DGKH: variants seen among roughly 807,000 people sequenced by gnomAD.
The protein encoded by DGKH is diacylglycerol kinase eta.
In DGKH, 90 loss-of-function variants were observed where a neutral mutation model predicts 159.3. That is an observed-to-expected ratio of 0.57 (90% CI 0.48 to 0.67). The LOEUF (loss-of-function observed/expected upper bound fraction) is 0.67. Among genes scored for constraint, DGKH ranks in the 30% least tolerant of loss-of-function variants. The pLI is 0.00. For synonymous variants in DGKH, 536 were observed against 553.8 expected, an observed-to-expected ratio of 0.97 and a Z score of 0.45; for missense variants, 1,181 against 1,506.1, an observed-to-expected ratio of 0.78 and a Z score of 3.57.
chr13:42,163,354 T>TTA (rs907690745), intron 7 of DGKH, among the ~76,000 whole-genome samples: 10 of 152,126 alleles, frequency 6.6e-5, no homozygotes, highest in African/African-American at 2.4e-4. Flanking sequence ...GCAGCATGAT[T>TTA]TATAGTCTTT....
chr13:42,189,692 G>T (rs1594174976), intron 15 of DGKH, among the ~76,000 whole-genome samples: 1 of 152,036 alleles, frequency 6.6e-6, no homozygotes, highest in East Asian at 1.9e-4. Context: ...TTTGAGAAAG[G>T]GTCTCACTCT....
chr13:42,152,636 G>A (rs867200912), intron 3 of DGKH, among the ~76,000 whole-genome samples: 4 of 123,568 alleles, frequency 3.2e-5, no homozygotes, highest in Middle Eastern at 3.8e-3. Context: ...GGGCAGAAGG[G>A]CACAGCTGCA....
In DGKH at chr13:42,190,651, G is replaced by A. The variant is rs892046381; in HGVS notation, c.2035+126G>A. 4 of 903,872 alleles carry A rather than the reference G, an allele frequency of 4.4e-6. No homozygotes were observed. In the Admixed American group the frequency reaches 9.8e-5, roughly 22 times the overall value. The allele number at this position is 903,872 out of a possible 1,614,324, so 56.0% of individuals were successfully genotyped here. On this transcript the variant is annotated intron_variant, in intron 16 of 29. Coordinates refer to ENST00000337343, the MANE Select transcript of DGKH (RefSeq NM_178009.5). ...TTATTTTTGAAAAGGCTTTTTGGAA[G>A]TTAAAGCTTAGATAAATATTCATGA...
rs1880990317 is a variant in DGKH, at chr13:42,048,826, C to T, written c.53C>T (p.Ala18Val). The T allele has an allele frequency of 1.5e-6, 2 of 1,336,734 alleles. No individual in the cohort carries two copies. The highest frequency in any genetic ancestry group is 9.6e-7 in the Non-Finnish European group (1 of 1,041,510). The allele number at this position is 1,336,734 out of a possible 1,614,324, so 82.8% of individuals were successfully genotyped here. Residue 18 changes from alanine (A) to valine (V), a missense_variant, in exon 1 of 30, where the codon GCC (alanine) becomes GTC (valine). Around this residue, in one of 5 missense-constraint regions of DGKH, gnomAD observed 136 missense variants for 132.2 expected, o/e 1.03. Coordinates refer to ENST00000337343, the MANE Select transcript of DGKH (RefSeq NM_178009.5). This position sits in a 1 kb window ranked among gnomAD's most constrained non-coding sequence, Gnocchi z 6.7. ...CCTCCGGGCGCCGCTGGAGGAGCGGCCGCCGGAGCCGGCGCCGCGGTCACC... is the reference window on the plus strand; with the variant it reads ...CCTCCGGGCGCCGCTGGAGGAGCGGTCGCCGGAGCCGGCGCCGCGGTCACC... ...HHPPGAAGGAAAGAGAAVTSA... is the reference protein window; with the variant it reads ...HHPPGAAGGAVAGAGAAVTSA...
chr13:42,229,121 G>A lies in DGKH; in HGVS notation c.3596G>A (p.Gly1199Asp). Residue 1199 changes from glycine to aspartate, a missense_variant, in exon 30 of 30, where the codon GGT becomes GAT. Physicochemically the swap from Gly to Asp is moderately conservative, Grantham distance 94 (BLOSUM62 -1). Coordinates refer to ENST00000337343, the MANE Select transcript of DGKH (RefSeq NM_178009.5). ...DLKDLGIPKV[G>D]HVKRILQGIK... ...TAGGATCTGGGGATACCGAAAGTGGGTCATGTGAAGCGAATTCTCCAGGGA... is the reference window on the plus strand; with the variant it reads ...TAGGATCTGGGGATACCGAAAGTGGATCATGTGAAGCGAATTCTCCAGGGA... 1 of 1,611,130 alleles carries A rather than the reference G, an allele frequency of 6.2e-7. No individual in the cohort carries two copies.
At chr13:42,155,497 CA>C (rs1956021924) in intron 4 of DGKH, 102 bp downstream of exon 4, 2 of 1,475,512 alleles carry the variant, frequency 1.4e-6, no homozygotes, top group Non-Finnish European at 1.9e-6. Context: ...TACACTCATT[CA>C]GCAACTTGTT....
intron 21 of DGKH, among the ~76,000 whole-genome samples, chr13:42,207,078 TTTC>T (rs1957509871): frequency 8.1e-6 from 1 of 122,780 alleles, no homozygotes; most frequent in African/African-American, 3.1e-5. Context: ...TCTTTCTTTC[TTTC>T]TTTCTTTCTT....
At chr13:42,059,925 A>G (rs9532982) in intron 1 of DGKH, among the ~76,000 whole-genome samples, 1,319 of 130,078 alleles carry the variant, frequency 0.01, 9 homozygotes, top group Non-Finnish European at 0.016. Flanking sequence ...TTTTTTATAT[A>G]TATAGAGTCT....
At chr13:42,148,269 G>T (rs1287166662) in intron 3 of DGKH, among the ~76,000 whole-genome samples, 1 of 152,128 alleles carries the variant, frequency 6.6e-6, no homozygotes, top group Non-Finnish European at 1.5e-5. Context: ...TACCTGGCCT[G>T]TTATAATTAC....
intron 17 of DGKH, among the ~76,000 whole-genome samples, chr13:42,197,411 T>C (rs891847484): frequency 1.3e-5 from 2 of 152,072 alleles, no homozygotes; most frequent in African/African-American, 4.8e-5. Flanking sequence ...CATAAAGAAG[T>C]ATGCCACAGT....
intron 17 of DGKH, chr13:42,195,967 T>A (rs1466601338): frequency 6.6e-6 from 1 of 152,178 alleles, no homozygotes; most frequent in Non-Finnish European, 1.5e-5. Context: ...AAGGTAAGTA[T>A]CTCACTTTTA....
At position 42,206,221 on chromosome 13, in the gene DGKH, G is replaced by A. The variant is rs375914671; in HGVS notation, c.2601+75G>A. On this transcript the variant is annotated intron_variant, in intron 21 of 29. Transcript: ENST00000337343. ...TGGAATAATTTGCTTTTGTAAATGGGCTGTTGAATAGTAGTTTAATTTCAT... is the reference window on the plus strand; with the variant it reads ...TGGAATAATTTGCTTTTGTAAATGGACTGTTGAATAGTAGTTTAATTTCAT... 84 of 893,536 alleles carry A rather than the reference G, an allele frequency of 9.4e-5. No homozygotes were observed. The African/African-American group carries it at 1.2e-3, about 13-fold the overall frequency. The allele number at this position is 893,536 out of a possible 1,614,324, so 55.4% of individuals were successfully genotyped here.
chr13:42,148,634 C>T (rs1955797506), intron 3 of DGKH, among the ~76,000 whole-genome samples: 1 of 152,184 alleles, frequency 6.6e-6, no homozygotes, highest in Non-Finnish European at 1.5e-5. Context: ...GTTTGTGTCT[C>T]TTCCTGGCTT....
intron 13 of DGKH, among the ~76,000 whole-genome samples, chr13:42,178,963 T>G (rs750864815): frequency 5.9e-5 from 9 of 152,138 alleles, no homozygotes; most frequent in East Asian, 1.9e-4. Context: ...GGGAAAGTGG[T>G]AAAGAAAAAA....
chr13:42,118,638 C>G (rs1955008081), intron 1 of DGKH, among the ~76,000 whole-genome samples: 1 of 152,170 alleles, frequency 6.6e-6, no homozygotes, highest in Non-Finnish European at 1.5e-5. Flanking sequence ...CTTCCCAGGG[C>G]TAATGGTGCT....
At chr13:42,157,006 C>T (rs1956063562) in intron 5 of DGKH, among the ~76,000 whole-genome samples, 1 of 152,142 alleles carries the variant, frequency 6.6e-6, no homozygotes, top group Admixed American at 6.5e-5. Context: ...TGAGGGAATA[C>T]ATACAATAAA....
At chr13:42,052,009 T>G (rs1881356714) in intron 1 of DGKH, among the ~76,000 whole-genome samples, 1 of 152,190 alleles carries the variant, frequency 6.6e-6, no homozygotes, top group South Asian at 2.1e-4. Context: ...TCATCTATCC[T>G]GCTTTGTCAG....
chr13:42,112,581 G>T (rs926714620), intron 1 of DGKH, among the ~76,000 whole-genome samples: 1 of 152,236 alleles, frequency 6.6e-6, no homozygotes, highest in Non-Finnish European at 1.5e-5. Context: ...GAAAAGCTCA[G>T]ATGATCCTGA....
Position 42,187,100 on chromosome 13 carries a change from T to C in DGKH, c.1590T>C (p.Tyr530=). The part of the protein sequence containing the change: ...KDFVAKVEKT[Y]DKTLENAVVA... The stretch of plus-strand genomic sequence containing the variant: ...TCGTTGCCAAAGTAGAAAAGACGTA[T>C]GACAAAACCTTGGAAAATGCCGTTG... Residue 530 remains tyrosine (Y), a synonymous_variant, in exon 14 of 30, where the codon TAT becomes TAC. Transcript: ENST00000337343. The C allele has an allele frequency of 6.2e-7, 1 of 1,614,140 alleles. No homozygotes were observed. Among genetic ancestry groups the C allele is most frequent in the Non-Finnish European group, 8.5e-7 (1 of 1,179,992 alleles).
Sources: allele counts gnomAD v4.1 joint callset (sites outside exome capture counted in the v4.1 genomes callset), GRCh38; gene constraint gnomAD v4.1.1; regional missense constraint gnomAD v4.1.1; non-coding constraint Gnocchi (gnomAD v3.1); transcripts MANE v1.5; gene names NCBI Gene and HGNC (gene_info 2026-07-23, HGNC 2026-07-21).